PSD3: variants seen among roughly 807,000 people sequenced by gnomAD.
PSD3 encodes the protein pleckstrin and Sec7 domain containing 3, also known as PH and SEC7 domain-containing protein 3.
PSD3 carries 49 observed loss-of-function variants against 105.5 expected under a neutral mutation model. The ratio of observed to expected loss-of-function variants is 0.46; its 90% CI spans 0.37 to 0.59. The LOEUF is 0.59. Ranked by LOEUF, PSD3 falls within the 20% of genes least tolerant of loss-of-function variation. The pLI, the probability that PSD3 is intolerant of heterozygous loss-of-function variation, is 0.00. For synonymous variants in PSD3, 557 were observed against 457.8 expected, an observed-to-expected ratio of 1.22 and a Z score of -2.77; for missense variants, 1,561 against 1,263.8, an observed-to-expected ratio of 1.24 and a Z score of -3.57.
At chr8:18,747,086 G>T (rs1054032612) in intron 9 of PSD3, among the ~76,000 whole-genome samples, 1 of 152,192 alleles carries the variant, frequency 6.6e-6, no homozygotes, top group Non-Finnish European at 1.5e-5. Flanking sequence ...GAACCCTATA[G>T]ATTTTAAGAT....
intron 9 of PSD3, among the ~76,000 whole-genome samples, chr8:18,674,273 G>T (rs1273099411): frequency 6.6e-6 from 1 of 152,214 alleles, no homozygotes; most frequent in Non-Finnish European, 1.5e-5. Context: ...TGCCCTCAGA[G>T]GTAGCCAGTG....
intron 1 of PSD3, among the ~76,000 whole-genome samples, chr8:19,052,480 AAAAAAGAAAAAG>A (rs1229669265): frequency 6.6e-6 from 1 of 151,876 alleles, no homozygotes; most frequent in African/African-American, 2.4e-5. Flanking sequence ...CAAAAAAAAA[AAAAAAGAAAAAG>A]AAAAAGAAAA....
chr8:19,070,773 CCACAGCCCTTTGACTGATTCTTTAAAT>C (rs1829229260), intron 1 of PSD3, among the ~76,000 whole-genome samples: 2 of 152,120 alleles, frequency 1.3e-5, no homozygotes, highest in East Asian at 3.8e-4. Context: ...CACTGCTGAC[CCACAGCCCTTTGACTGATTCTTTAAAT>C]CACTGGAACT....
intron 1 of PSD3, chr8:19,001,032 C>G (rs908947445): frequency 2.0e-5 from 3 of 151,856 alleles, no homozygotes; most frequent in African/African-American, 7.3e-5. Context: ...TAAGCGCACA[C>G]ATTCTCTGAG....
chr8:19,079,691 C>T (rs545299151), intron 1 of PSD3, among the ~76,000 whole-genome samples: 47 of 152,160 alleles, frequency 3.1e-4, no homozygotes, highest in South Asian at 2.1e-4. Context: ...CTTGCAATAC[C>T]GGTCCAAAAT....
chr8:18,674,556 GT>G (rs1445655650), intron 9 of PSD3, among the ~76,000 whole-genome samples: 1 of 152,146 alleles, frequency 6.6e-6, no homozygotes, highest in Non-Finnish European at 1.5e-5. Context: ...TAAGAGTTAA[GT>G]TTTTTTGCTA....
chr8:18,672,245 T>C (rs1370714862), intron 9 of PSD3, among the ~76,000 whole-genome samples: 35 of 152,096 alleles, frequency 2.3e-4, no homozygotes, highest in Admixed American at 2.3e-3. Flanking sequence ...AACGGTCAAT[T>C]ATATTTAATA....
intron 15 of PSD3, among the ~76,000 whole-genome samples, chr8:18,542,862 T>C (rs183821135): frequency 2.0e-5 from 3 of 152,324 alleles, no homozygotes; most frequent in South Asian, 4.1e-4. Flanking sequence ...TTGCTACCTT[T>C]GGTTATGTTA....
chr8:18,540,225 G>T (rs567188909), intron 15 of PSD3, among the ~76,000 whole-genome samples: 6 of 152,224 alleles, frequency 3.9e-5, no homozygotes, highest in African/African-American at 1.2e-4. Flanking sequence ...TTAAAATTAA[G>T]GTACATACAT....
chr8:18,638,097 G>C (rs1266349538), intron 10 of PSD3, among the ~76,000 whole-genome samples: 5 of 149,076 alleles, frequency 3.4e-5, no homozygotes, highest in African/African-American at 1.2e-4. Flanking sequence ...GGAGGTTGCA[G>C]TGAGCTAAGA....
intron 9 of PSD3, among the ~76,000 whole-genome samples, chr8:18,717,319 G>A (rs568356588): frequency 6.6e-6 from 1 of 151,784 alleles, no homozygotes; most frequent in Non-Finnish European, 1.5e-5. Context: ...TAAAAGAAAA[G>A]GTCAATTTAA....
At chr8:18,661,475 C>A (rs1809343144) in intron 9 of PSD3, among the ~76,000 whole-genome samples, 1 of 152,152 alleles carries the variant, frequency 6.6e-6, no homozygotes, top group African/African-American at 2.4e-5. Flanking sequence ...AGATAAATAT[C>A]AAAATGGTTA....
At chr8:18,647,611 T>G (rs1407801444) in intron 10 of PSD3, among the ~76,000 whole-genome samples, 22 of 152,102 alleles carry the variant, frequency 1.4e-4, no homozygotes, top group African/African-American at 4.6e-4. Context: ...AACTGTTTTT[T>G]TTTTTTTTTT....
intron 9 of PSD3, chr8:18,730,349 T>C (rs1016506915): frequency 2.6e-5 from 4 of 152,334 alleles, no homozygotes; most frequent in African/African-American, 9.6e-5. Context: ...GCGGTAAGTA[T>C]TCTCCAATAT....
intron 2 of PSD3, among the ~76,000 whole-genome samples, chr8:18,927,803 G>A (rs994392162): frequency 1.1e-4 from 16 of 152,124 alleles, no homozygotes; most frequent in African/African-American, 2.9e-4. Context: ...ACATCATTGC[G>A]GACATTCTAA....
intron 1 of PSD3, among the ~76,000 whole-genome samples, chr8:19,048,864 A>G (rs781201331): frequency 6.6e-6 from 1 of 152,138 alleles, no homozygotes; most frequent in Admixed American, 6.5e-5. Context: ...ACAGAAGTTG[A>G]TTTTCTCACA....
chr8:18,534,966 C>G lies in PSD3; in HGVS notation c.*777G>C, dbSNP rs1449708953. ...GCACATGCCTACTGCTGCAGCTCCT[C>G]AAGGGCCGATTATTGCCCCCATCCT... On this transcript the variant is annotated 3_prime_UTR_variant, in exon 16 of 16. Transcript: ENST00000327040. 1 of 152,624 alleles carries G rather than the reference C, an allele frequency of 6.6e-6. No individual in the cohort carries two copies. Among genetic ancestry groups the G allele is most frequent in the Non-Finnish European group, 1.5e-5 (1 of 68,050 alleles). 9.5% of individuals were successfully genotyped at this position (152,624 alleles called of 1,614,324 possible).
intron 10 of PSD3, among the ~76,000 whole-genome samples, chr8:18,635,490 T>A (rs779566300): frequency 6.6e-6 from 1 of 152,120 alleles, no homozygotes; most frequent in African/African-American, 2.4e-5. Flanking sequence ...ACACTTACCA[T>A]ACTATGCTTT....
chr8:18,623,972 C>T (rs984008124), intron 11 of PSD3, among the ~76,000 whole-genome samples: 12 of 152,182 alleles, frequency 7.9e-5, no homozygotes, highest in African/African-American at 1.7e-4. Flanking sequence ...CATGTTGATA[C>T]GTGGAACTCT....
Sources: gnomAD v4.1 joint callset for allele counts (sites outside exome capture counted in the v4.1 genomes callset) on GRCh38, gnomAD v4.1.1 for gene constraint, MANE v1.5 for transcripts, NCBI Gene and HGNC (gene_info 2026-07-23, HGNC 2026-07-21) for gene names.